The following USB1 variants were observed in gnomAD, a reference collection of about 807,000 sequenced individuals.
USB1 encodes U6 snRNA biogenesis phosphodiesterase 1, also known as U6 snRNA phosphodiesterase 1.
USB1 carries 21 observed loss-of-function variants against 29.9 expected under a neutral mutation model. That is an observed-to-expected ratio of 0.70 (90% confidence interval 0.50 to 1.01). USB1 has a LOEUF of 1.01. USB1 is among the 50% of genes least tolerant of loss of function. USB1 has a pLI of 0.00. For missense variants in USB1, 330 were observed against 347.1 expected, an observed-to-expected ratio of 0.95 and a Z score of 0.39; for synonymous variants, 143 against 134.9, an observed-to-expected ratio of 1.06 and a Z score of -0.42.
At chr16:58,005,185 C>G (rs1483478489) in intron 2 of USB1, among the ~76,000 whole-genome samples, 1 of 152,208 alleles carries the variant, frequency 6.6e-6, no homozygotes, top group Non-Finnish European at 1.5e-5. Context: ...AGCATGACCA[C>G]TGAAGCACAG....
At chr16:58,014,440 A>T (rs1203152018) in intron 4 of USB1, 114 bp downstream of exon 4, 1 of 905,446 alleles carries the variant, frequency 1.1e-6, no homozygotes, top group Non-Finnish European at 1.8e-6. Context: ...AACCAACTCT[A>T]TGACTATAAA....
chr16:58,002,237 C>T (rs1963233320), intron 1 of USB1, among the ~76,000 whole-genome samples: 1 of 152,108 alleles, frequency 6.6e-6, no homozygotes, highest in African/African-American at 2.4e-5. Flanking sequence ...GAAATGTGAC[C>T]CCTGAACCAC....
Position 58,009,923 on chromosome 16 carries a change from C to A in USB1, c.266-6C>A, listed in dbSNP as rs1262044011. 3.1e-6 allele frequency: 5 copies of A among 1,613,906 alleles called. No individual in the cohort carries two copies. The highest frequency in any genetic ancestry group is 1.7e-5 in the Admixed American group (1 of 59,998). On this transcript the variant is annotated splice_polypyrimidine_tract_variant and splice_region_variant and intron_variant, in intron 2 of 6. Transcript: ENST00000219281. ...ACGGCCCGCCCTCTTTACTCCTCCC[C>A]TCCAGATGAAGCCAAGGAGGAGTTC...
chr16:57,999,770 G>A (rs1188225561), upstream of USB1: 2 of 152,362 alleles, frequency 1.3e-5, no homozygotes, highest in East Asian at 3.8e-4. Context: ...GAGGCAGCAG[G>A]TTGCTTGAGC....
intron 4 of USB1, chr16:58,016,970 C>A: frequency 6.1e-6 from 2 of 328,462 alleles, no homozygotes; most frequent in Middle Eastern, 1.0e-3. Flanking sequence ...GAGCAAAGTC[C>A]TCGAGAAGAG....
Position 58,013,669 on chromosome 16 carries a change from A to G in USB1, c.450-604A>G. On this transcript the variant is annotated intron_variant, in intron 3 of 6. Coordinates refer to ENST00000219281, the MANE Select transcript of USB1 (RefSeq NM_024598.4). This position sits in a 1 kb window ranked among gnomAD's most constrained non-coding sequence, Gnocchi z 4.3. ...GACCTATTCCCCTCACGAAAGCGTC[A>G]TAGGTGACAACAAGGACTCTGGAAA... 1 of 978,592 alleles carries G rather than the reference A, an allele frequency of 1.0e-6. No individual in the cohort carries two copies. The highest frequency in any genetic ancestry group is 1.8e-5 in the African/African-American group (1 of 57,040). The allele number at this position is 978,592 out of a possible 1,614,324, so 60.6% of individuals were successfully genotyped here. A position where few individuals can be genotyped will look rare whatever the true frequency, so the allele number is the denominator to read the frequency against.
rs1033800067 is a variant in USB1, at chr16:58,001,453, G to T, written c.-31G>T. On this transcript the variant is annotated 5_prime_UTR_variant, in exon 1 of 7. Coordinates refer to ENST00000219281, the MANE Select transcript of USB1 (RefSeq NM_024598.4). ...CGGGTGCCGGTTGAGGTTGCTGGTG[G>T]ACCTGCTCTGGTGGTCTTGGATGAG... 11 of 1,576,124 alleles carry T rather than the reference G, an allele frequency of 7.0e-6. No homozygotes were observed. The African/African-American group carries it at 1.1e-4, about 15-fold the overall frequency.
intron 3 of USB1, chr16:58,011,909 C>T (rs1227647771): frequency 9.9e-7 from 1 of 1,009,742 alleles, no homozygotes; most frequent in Non-Finnish European, 1.2e-6. Context: ...GAATATCTTT[C>T]TGGATCCTCT....
chr16:58,020,397 C>G lies in USB1; in HGVS notation c.*152C>G, dbSNP rs982785420. The G allele has an allele frequency of 1.4e-6, 1 of 703,332 alleles. No homozygotes were observed. The highest frequency in any genetic ancestry group is 2.6e-6 in the Non-Finnish European group (1 of 385,798). 43.6% of individuals were successfully genotyped at this position (703,332 alleles called of 1,614,324 possible). A position where few individuals can be genotyped will look rare whatever the true frequency, so the allele number is the denominator to read the frequency against. On this transcript the variant is annotated 3_prime_UTR_variant, in exon 7 of 7. Transcript: ENST00000219281. ...GAGGTGTAGCCACTCCTCATCCTCC[C>G]TGAGTGCTGATATTCTCTCTCTCTC...
At chr16:58,008,484 C>G (rs1441062708) in intron 2 of USB1, among the ~76,000 whole-genome samples, 1 of 140,136 alleles carries the variant, frequency 7.1e-6, no homozygotes, top group Non-Finnish European at 1.5e-5. Context: ...GAGGGAGCCT[C>G]GATCCGTCAC....
At chr16:58,012,744 C>T (rs945907014) in intron 3 of USB1, 39 of 1,056,510 alleles carry the variant, frequency 3.7e-5, no homozygotes, top group East Asian at 7.7e-5. Context: ...AGGAGGAGAG[C>T]GGCTATGTTA....
At chr16:58,002,756 G>T in intron 2 of USB1, 111 bp downstream of exon 2, 1 of 1,437,202 alleles carries the variant, frequency 7.0e-7, no homozygotes, top group East Asian at 2.4e-5. Flanking sequence ...CTCTAACACT[G>T]GTGGTGGGAA....
chr16:58,010,889 C>G (rs757956792), intron 3 of USB1: 1 of 649,304 alleles, frequency 1.5e-6, no homozygotes. Context: ...CAAATTTTTA[C>G]GGAGGCTTCA....
rs997035897 is a variant in USB1, at chr16:58,013,542, C to T, written c.450-731C>T. On this transcript the variant is annotated intron_variant, in intron 3 of 6. Transcript: ENST00000219281. This position sits in a 1 kb window ranked among gnomAD's most constrained non-coding sequence, Gnocchi z 4.3. ...TGTCTCAGAGAATAAAGGACAGAAC[C>T]AGTCCAAGTCAAAGCACTTACCTAG... The T allele has an allele frequency of 6.2e-6, 6 of 971,870 alleles. No homozygotes were observed. The African/African-American group carries it at 1.1e-4, about 19-fold the overall frequency. The allele number at this position is 971,870 out of a possible 1,614,324, so 60.2% of individuals were successfully genotyped here.
chr16:58,013,724 C>T lies in USB1; in HGVS notation c.450-549C>T, dbSNP rs1963549918. Reference sequence around the variant, plus strand: ...CAGACTGACTGTTCCAATCCTGGCTCACCAAATTCAGCTTCACCATGCCTC... The same window carrying T: ...CAGACTGACTGTTCCAATCCTGGCTTACCAAATTCAGCTTCACCATGCCTC... On this transcript the variant is annotated intron_variant, in intron 3 of 6. Coordinates refer to ENST00000219281, the MANE Select transcript of USB1 (RefSeq NM_024598.4). This position sits in a 1 kb window ranked among gnomAD's most constrained non-coding sequence, Gnocchi z 4.3. 3.0e-6 allele frequency: 2 copies of T among 677,726 alleles called. No homozygotes were observed. The highest frequency in any genetic ancestry group is 5.8e-5 in the Admixed American group (1 of 17,300). 42.0% of individuals were successfully genotyped at this position (677,726 alleles called of 1,614,324 possible). A position where few individuals can be genotyped will look rare whatever the true frequency, so the allele number is the denominator to read the frequency against.
chr16:58,013,413 C>T lies in USB1; in HGVS notation c.450-860C>T. 1 of 985,454 alleles carries T rather than the reference C, an allele frequency of 1.0e-6. No homozygotes were observed. The highest frequency in any genetic ancestry group is 1.2e-6 in the Non-Finnish European group (1 of 829,960). The allele number at this position is 985,454 out of a possible 1,614,324, so 61.0% of individuals were successfully genotyped here. A position where few individuals can be genotyped will look rare whatever the true frequency, so the allele number is the denominator to read the frequency against. Reference sequence around the variant, plus strand: ...GGGCAGATTGTGAGGCTCTACCCAGCATGCTGGTATATTATGTTCCCTCAG... The same window carrying T: ...GGGCAGATTGTGAGGCTCTACCCAGTATGCTGGTATATTATGTTCCCTCAG... On this transcript the variant is annotated intron_variant, in intron 3 of 6. Coordinates refer to ENST00000219281, the MANE Select transcript of USB1 (RefSeq NM_024598.4). The surrounding 1 kb of genome is among the most constrained non-coding windows in gnomAD (Gnocchi z 4.3).
chr16:58,010,226 G>A (rs1229935252), intron 3 of USB1, 114 bp downstream of exon 3: 13 of 1,317,780 alleles, frequency 9.9e-6, no homozygotes, highest in South Asian at 3.8e-5. Flanking sequence ...GATAGAACAC[G>A]GCCCCTCTCC....
At chr16:58,018,224 C>CT (rs1179959137) in intron 5 of USB1, among the ~76,000 whole-genome samples, 7,671 of 130,082 alleles carry the variant, frequency 0.059, 341 homozygotes, top group East Asian at 0.097. Context: ...TGGTTGATGT[C>CT]TTTTTTTTTT....
At chr16:58,011,332 C>T in intron 3 of USB1, 1 of 1,387,476 alleles carries the variant, frequency 7.2e-7, no homozygotes, top group Admixed American at 3.0e-5. Flanking sequence ...CTCAGCACAC[C>T]ACTTGGGTGA....
Sources: gnomAD v4.1 joint callset for allele counts (sites outside exome capture counted in the v4.1 genomes callset) on GRCh38, gnomAD v4.1.1 for gene constraint, Gnocchi (gnomAD v3.1) non-coding constraint, MANE v1.5 for transcripts, NCBI Gene and HGNC (gene_info 2026-07-23, HGNC 2026-07-21) for gene names.